SLC1A6: variants seen among roughly 807,000 people sequenced by gnomAD.
SLC1A6 encodes the protein excitatory amino acid transporter 4.
A neutral mutation model predicts 42.1 loss-of-function variants in SLC1A6; 15 were observed. That is an observed-to-expected ratio of 0.36 (90% CI 0.24 to 0.55). The LOEUF (loss-of-function observed/expected upper bound fraction) is 0.55. Among genes scored for constraint, SLC1A6 ranks in the 20% least tolerant of loss-of-function variants. The probability of loss-of-function intolerance (pLI) is 0.88; values close to 1 mark genes in which losing one functional copy is unlikely to be tolerated. For synonymous variants in SLC1A6, 317 were observed against 319.7 expected (o/e 0.99, Z 0.09); for missense variants, 542 against 772.5 (o/e 0.70, Z 3.54).
chr19:14,972,016 T>G, intron 2 of SLC1A6, 142 bp from the exon 3 acceptor site: 1 of 715,924 alleles, frequency 1.4e-6, no homozygotes, highest in Non-Finnish European at 2.3e-6. Flanking sequence ...GTGTGTGCAC[T>G]GATGTGTGCA....
chr19:15,008,029 C>CG (rs918237119), intron 1 of SLC1A6, among the ~76,000 whole-genome samples: 2 of 135,826 alleles, frequency 1.5e-5, no homozygotes, highest in Non-Finnish European at 3.1e-5. Context: ...CTGCCCCCCC[C>CG]CCAAAAAAAA....
chr19:14,983,726 A>AAT (rs1328956200), upstream of SLC1A6, among the ~76,000 whole-genome samples: 1 of 147,468 alleles, frequency 6.8e-6, no homozygotes, highest in East Asian at 1.9e-4. Context: ...CACCAAAAAA[A>AAT]AAAAAAAAAA....
intron 9 of SLC1A6, among the ~76,000 whole-genome samples, chr19:14,951,690 A>G (rs1483796242): frequency 1.3e-5 from 2 of 151,394 alleles, no homozygotes; most frequent in East Asian, 3.9e-4. Context: ...CTAATTTTTG[A>G]TATTTTTAGT....
chr19:14,989,862 C>G (rs191255840), intron 1 of SLC1A6, among the ~76,000 whole-genome samples: 5 of 151,642 alleles, frequency 3.3e-5, no homozygotes, highest in Non-Finnish European at 7.4e-5. Context: ...CGTGGTGGTG[C>G]GCACCTGTAA....
chr19:14,958,129 G>C (rs1158015064), intron 6 of SLC1A6, among the ~76,000 whole-genome samples: 1 of 152,134 alleles, frequency 6.6e-6, no homozygotes, highest in African/African-American at 2.4e-5. Flanking sequence ...TGAAGTTTAT[G>C]GCTGGGCATG....
At chr19:15,007,741 G>C (rs536460413) in intron 1 of SLC1A6, among the ~76,000 whole-genome samples, 2 of 152,096 alleles carry the variant, frequency 1.3e-5, no homozygotes, top group East Asian at 3.9e-4. Context: ...ATCACAATGA[G>C]AGGCCGGGCA....
At chr19:14,962,491 C>T (rs62113268) in intron 5 of SLC1A6, 146 bp from the exon 6 acceptor site, 74,986 of 625,694 alleles carry the variant, frequency 0.12, 6,551 homozygotes, top group African/African-American at 0.36. Flanking sequence ...TCATTATCGA[C>T]TATCACTCAT....
At chr19:15,002,775 T>A (rs1252133472) in intron 1 of SLC1A6, among the ~76,000 whole-genome samples, 2 of 152,100 alleles carry the variant, frequency 1.3e-5, no homozygotes, top group African/African-American at 2.4e-5. Context: ...GGGATTCAAG[T>A]CACAGAGGGC....
intron 1 of SLC1A6, 28 bp from the exon 2 acceptor site, chr19:14,972,945 G>A: frequency 6.6e-7 from 1 of 1,521,182 alleles, no homozygotes. Flanking sequence ...GCCTGGGGCT[G>A]GTGAGGGCCA....
rs150563520 is a variant in SLC1A6 at position 14,997,087 on chromosome 19, T to C, written c.6+13398A>G. ...TAGCTACTAAGATAAAAGAGCTACA[T>C]ATCTCCCTCACAAGGAATTTCCTTG... On this transcript the variant is annotated intron_variant, in intron 1 of 8. Transcript: ENST00000430939. Among the ~76,000 whole-genome samples, 201 of 152,296 alleles carry C rather than the reference T, an allele frequency of 1.3e-3. 1 individual carries two copies. Among genetic ancestry groups the C allele is most frequent in the Middle Eastern group, 3.4e-3 (1 of 294 alleles).
In SLC1A6 at chr19:14,978,527, A is replaced by T. The variant is rs148402128; in HGVS notation, c.-8+782T>A. Reference sequence around the variant, plus strand: ...GACATGCAACCACACACACACCCACACAAACCTTCAGAAATGCAGCTCCAT... The same window carrying T: ...GACATGCAACCACACACACACCCACTCAAACCTTCAGAAATGCAGCTCCAT... On this transcript the variant is annotated intron_variant, in intron 1 of 9. Transcript: ENST00000594383. 6.5e-4 allele frequency among the ~76,000 whole-genome samples: 99 copies of T among 152,104 alleles called. 1 individual carries two copies. The highest frequency in any genetic ancestry group is 7.4e-5 in the Non-Finnish European group (5 of 67,956).
rs917022600 is a variant in SLC1A6 at position 15,010,167 on chromosome 19, C to G, written c.6+318G>C. On this transcript the variant is annotated intron_variant, in intron 1 of 8. Coordinates refer to the SLC1A6 transcript ENST00000430939. ...CACCACTGCACTCCAGCCCAGACGA[C>G]AGTGCAAGACTCTATGAAAAAAAAA... Among the ~76,000 whole-genome samples the G allele has an allele frequency of 8.4e-5, 9 of 106,634 alleles. No homozygotes were observed. The Admixed American group carries it at 1.1e-3, about 13-fold the overall frequency. 70.0% of individuals were successfully genotyped at this position (106,634 alleles called of 152,430 possible). A position where few individuals can be genotyped will look rare whatever the true frequency, so the allele number is the denominator to read the frequency against.
At chr19:14,954,424 G>C in intron 7 of SLC1A6, 95 bp from the exon 8 acceptor site, 2 of 1,125,678 alleles carry the variant, frequency 1.8e-6, no homozygotes, top group Non-Finnish European at 2.6e-6. Flanking sequence ...GCAGAGAATG[G>C]GGCGTGGCCG....
Position 14,979,049 on chromosome 19 carries a change from G to GTC in SLC1A6, c.-8+258_-8+259dup, listed in dbSNP as rs1161096319. 2.0e-4 allele frequency among the ~76,000 whole-genome samples: 6 copies of GTC among 30,688 alleles called. No individual in the cohort carries two copies. The East Asian group carries it at 3.7e-3, about 19-fold the overall frequency. 20.1% of individuals were successfully genotyped at this position (30,688 alleles called of 152,430 possible). A position where few individuals can be genotyped will look rare whatever the true frequency, so the allele number is the denominator to read the frequency against. ...ACAAATTCAGTCTCTCTCTCTCTCT[G>GTC]TCACACACACACACACACACACACA... is the stretch of plus-strand genomic sequence containing the variant. On this transcript the variant is annotated intron_variant, in intron 1 of 9. Transcript: ENST00000594383. The surrounding 1 kb of genome is among the most constrained non-coding windows in gnomAD (Gnocchi z 4.2).
intron 1 of SLC1A6, among the ~76,000 whole-genome samples, chr19:14,995,785 AT>A (rs2045843207): frequency 6.6e-6 from 1 of 152,234 alleles, no homozygotes; most frequent in Non-Finnish European, 1.5e-5. Context: ...ACAATTTGAC[AT>A]TAAAAAAGTA....
In SLC1A6 at chr19:14,971,699, C is replaced by T. The variant is rs754597377; in HGVS notation, c.343+38G>A. The T allele has an allele frequency of 2.1e-5, 34 of 1,608,714 alleles. No homozygotes were observed. In the Admixed American group the frequency reaches 3.7e-4, roughly 17 times the overall value. ...TCTGGGTTCAAGCTGAGGCTCTAGA[C>T]GGGTCTTGGAGGCCAACACTGGCCT... On this transcript the variant is annotated intron_variant, in intron 3 of 9. Coordinates refer to ENST00000594383, the MANE Select transcript of SLC1A6 (RefSeq NM_005071.3).
At chr19:14,972,144 G>A (rs761489913) in intron 2 of SLC1A6, among the ~76,000 whole-genome samples, 8 of 151,546 alleles carry the variant, frequency 5.3e-5, no homozygotes, top group Admixed American at 2.6e-4. Flanking sequence ...GATATGTGAC[G>A]GTAGACATTC....
intron 1 of SLC1A6, chr19:14,974,732 T>C (rs546453290): frequency 6.6e-6 from 1 of 152,164 alleles, no homozygotes; most frequent in African/African-American, 2.4e-5. Flanking sequence ...ATTATATGTT[T>C]TCAAATGGTT....
At position 14,979,402 on chromosome 19, in the gene SLC1A6, A is replaced by C. The variant is rs930804411; in HGVS notation, c.-101T>G. 1 of 152,266 alleles carries C rather than the reference A, an allele frequency of 6.6e-6. No homozygotes were observed. Among genetic ancestry groups the C allele is most frequent in the Non-Finnish European group, 1.5e-5 (1 of 68,108 alleles). 9.4% of individuals were successfully genotyped at this position (152,266 alleles called of 1,614,324 possible). ...GGCGGAGAAGTGGGGACGTGGGCGCAGGGAGCGCCCCACACGCCTGACCCC... is the reference window on the plus strand; with the variant it reads ...GGCGGAGAAGTGGGGACGTGGGCGCCGGGAGCGCCCCACACGCCTGACCCC... On this transcript the variant is annotated 5_prime_UTR_variant, in exon 1 of 10. Coordinates refer to ENST00000594383, the MANE Select transcript of SLC1A6 (RefSeq NM_005071.3). The surrounding 1 kb of genome is among the most constrained non-coding windows in gnomAD (Gnocchi z 4.2).
Sources: allele counts gnomAD v4.1 joint callset (sites outside exome capture counted in the v4.1 genomes callset), GRCh38; gene constraint gnomAD v4.1.1; non-coding constraint Gnocchi (gnomAD v3.1); transcripts MANE v1.5; gene names NCBI Gene and HGNC (gene_info 2026-07-23, HGNC 2026-07-21).